KIF21A: variants seen among roughly 807,000 people sequenced by gnomAD.
KIF21A encodes kinesin family member 21A, also known as kinesin-like protein KIF21A.
A neutral mutation model predicts 202.9 loss-of-function variants in KIF21A; 114 were observed. The ratio of observed to expected loss-of-function variants is 0.56; its 90% CI spans 0.48 to 0.66. The LOEUF (loss-of-function observed/expected upper bound fraction) is 0.66, where lower values mean the gene tolerates loss of function less well. KIF21A is among the 30% of genes least tolerant of loss of function. The pLI, the probability that KIF21A is intolerant of heterozygous loss-of-function variation, is 0.00. For missense variants in KIF21A, 1,677 were observed against 1,994.9 expected, an observed-to-expected ratio of 0.84 and a Z score of 3.04; for synonymous variants, 667 against 670.8, an observed-to-expected ratio of 0.99 and a Z score of 0.09.
intron 31 of KIF21A, among the ~76,000 whole-genome samples, chr12:39,313,786 G>A (rs190102831): frequency 1.9e-4 from 29 of 151,924 alleles, no homozygotes; most frequent in African/African-American, 6.0e-4. Flanking sequence ...GAAAGACAGC[G>A]ATAGACTTAC....
intron 14 of KIF21A, 35 bp from the exon 15 acceptor site, chr12:39,341,129 C>T: frequency 2.7e-6 from 4 of 1,462,658 alleles, no homozygotes; most frequent in Non-Finnish European, 3.8e-6. Context: ...AATCCTGGTG[C>T]TAGGCCAAAA....
intron 6 of KIF21A, among the ~76,000 whole-genome samples, chr12:39,363,779 A>T (rs1043420101): frequency 6.6e-6 from 1 of 152,236 alleles, no homozygotes; most frequent in Non-Finnish European, 1.5e-5. Flanking sequence ...GCACTTTGGG[A>T]GGCCAAGGTG....
chr12:39,344,401 C>G (rs1341698798), intron 12 of KIF21A, among the ~76,000 whole-genome samples: 2 of 152,166 alleles, frequency 1.3e-5, no homozygotes, highest in African/African-American at 4.8e-5. Context: ...AGCAGGCTTT[C>G]CAGTTCCCTC....
intron 1 of KIF21A, among the ~76,000 whole-genome samples, chr12:39,374,472 A>G (rs1350573466): frequency 1.3e-5 from 2 of 152,174 alleles, no homozygotes; most frequent in Non-Finnish European, 2.9e-5. Flanking sequence ...AGATTTTTAA[A>G]AATGTATTAT....
At chr12:39,376,014 A>G (rs1413857546) in intron 1 of KIF21A, among the ~76,000 whole-genome samples, 1 of 152,036 alleles carries the variant, frequency 6.6e-6, no homozygotes, top group Non-Finnish European at 1.5e-5. Context: ...AGGCACCCTA[A>G]CATCTCAGCT....
intron 11 of KIF21A, among the ~76,000 whole-genome samples, chr12:39,350,108 CT>C (rs1948241824): frequency 6.6e-6 from 1 of 151,796 alleles, no homozygotes; most frequent in Non-Finnish European, 1.5e-5. Context: ...AATTATGTGT[CT>C]TTTTGTTAGG....
chr12:39,339,259 AT>A (rs983875996), intron 16 of KIF21A, among the ~76,000 whole-genome samples: 1 of 150,626 alleles, frequency 6.6e-6, no homozygotes, highest in African/African-American at 2.4e-5. Flanking sequence ...AAAGTGTACC[AT>A]TTTTTTATCT....
At position 39,325,516 on chromosome 12, in the gene KIF21A, TG is replaced by T. The variant is rs1370286613; in HGVS notation, c.3456+322del. 3.4e-3 allele frequency among the ~76,000 whole-genome samples: 508 copies of T among 147,338 alleles called. 5 individuals carry two copies. The highest frequency in any genetic ancestry group is 0.012 in the African/African-American group (476 of 39,604). ...CCAGCTAATTTTTTTTTTTTTTTTTTGTATTTTTAGTAGACACGGGTTTTCG... is the reference window on the plus strand; with the variant it reads ...CCAGCTAATTTTTTTTTTTTTTTTTTTATTTTTAGTAGACACGGGTTTTCG... On this transcript the variant is annotated intron_variant, in intron 26 of 37. Transcript: ENST00000361418.
At chr12:39,366,226 T>C (rs756774835) in intron 6 of KIF21A, 124 bp downstream of exon 6, 3 of 818,022 alleles carry the variant, frequency 3.7e-6, no homozygotes, top group Non-Finnish European at 6.1e-6. Context: ...CTAATAACTG[T>C]TCTATAATTT....
chr12:39,380,870 AT>A (rs1306753853), intron 1 of KIF21A, among the ~76,000 whole-genome samples: 1 of 152,016 alleles, frequency 6.6e-6, no homozygotes. Context: ...AGCATCTTCT[AT>A]TTTTTTCTTA....
intron 36 of KIF21A, 57 bp downstream of exon 36, chr12:39,302,908 A>G (rs1395770052): frequency 1.4e-6 from 2 of 1,403,726 alleles, no homozygotes; most frequent in Non-Finnish European, 2.0e-6. Flanking sequence ...GTTCTTCTAC[A>G]GGCTACAGGA....
chr12:39,389,976 CACACTAT>C (rs1386535063), intron 1 of KIF21A, among the ~76,000 whole-genome samples: 6 of 152,218 alleles, frequency 3.9e-5, no homozygotes, highest in African/African-American at 1.4e-4. Flanking sequence ...CACTACCCCA[CACACTAT>C]ACACTTTCCC....
In KIF21A at chr12:39,366,515, G is replaced by A; in HGVS notation, c.738C>T (p.Asp246=). The A allele has an allele frequency of 6.3e-7, 1 of 1,595,360 alleles. No individual in the cohort carries two copies. The highest frequency in any genetic ancestry group is 8.6e-7 in the Non-Finnish European group (1 of 1,163,832). ...QTRVCPQIDA[D]NATDNKIISE... ...AAATAATTTTATTATCAGTTGCATT[G>A]TCCTGAAATTAAGAAAAATAATTGA... is the stretch of plus-strand genomic sequence containing the variant. The change falls in exon 6 of 38, where the codon GAC becomes GAT. Residue 246 remains aspartate, a splice_region_variant and synonymous_variant. Coordinates refer to ENST00000361418, the MANE Select transcript of KIF21A (RefSeq NM_001173464.2).
intron 26 of KIF21A, among the ~76,000 whole-genome samples, chr12:39,324,247 C>A (rs1012401418): frequency 6.6e-6 from 1 of 152,118 alleles, no homozygotes; most frequent in Non-Finnish European, 1.5e-5. Context: ...TCTCCACAGC[C>A]AAGAACCTAG....
Position 39,340,801 on chromosome 12 carries a change from A to G in KIF21A, c.2110+105T>C, listed in dbSNP as rs189188751. On this transcript the variant is annotated intron_variant, in intron 15 of 37. Coordinates refer to ENST00000361418, the MANE Select transcript of KIF21A (RefSeq NM_001173464.2). ...AAAAACAAAACAAATAAATAACAAA[A>G]AAGGGTTTAATACGGCTTCTATTTT... The G allele has an allele frequency of 4.0e-5, 32 of 794,874 alleles. 1 individual carries two copies. In the Admixed American group the frequency reaches 6.1e-4, roughly 15 times the overall value. 49.2% of individuals were successfully genotyped at this position (794,874 alleles called of 1,614,324 possible). A position where few individuals can be genotyped will look rare whatever the true frequency, so the allele number is the denominator to read the frequency against.
At chr12:39,394,185 C>A (rs1484525979) in intron 1 of KIF21A, among the ~76,000 whole-genome samples, 1 of 152,174 alleles carries the variant, frequency 6.6e-6, no homozygotes, top group Admixed American at 6.5e-5. Context: ...TAAGCCAATT[C>A]TTCTGAAAGT....
At chr12:39,295,692 GTTTTTTTTT>G (rs1054983568) in intron 37 of KIF21A, among the ~76,000 whole-genome samples, 8 of 78,086 alleles carry the variant, frequency 1.0e-4, no homozygotes, top group Non-Finnish European at 1.7e-4. Flanking sequence ...CTTGGGATAT[GTTTTTTTTT>G]TTTTTTTTTT....
In KIF21A at chr12:39,436,448, A is replaced by ATATATATATATTTTTTTT. The variant is rs1387332677; in HGVS notation, c.44+6478_44+6479insAAAAAAAATATATATATA. On this transcript the variant is annotated intron_variant, in intron 1 of 37. Transcript: ENST00000361418. The stretch of plus-strand genomic sequence containing the variant: ...TATATATATATATATATATATATAT[A>ATATATATATATTTTTTTT]TTTTTTTTTTTTTTAGACAGGGTTT... 1.7e-4 allele frequency among the ~76,000 whole-genome samples: 16 copies of ATATATATATATTTTTTTT among 95,760 alleles called. No homozygotes were observed. In the East Asian group the frequency reaches 4.8e-3, roughly 29 times the overall value. The allele number at this position is 95,760 out of a possible 152,430, so 62.8% of individuals were successfully genotyped here. A position where few individuals can be genotyped will look rare whatever the true frequency, so the allele number is the denominator to read the frequency against.
intron 35 of KIF21A, 34 bp downstream of exon 35, chr12:39,304,787 G>T: frequency 9.4e-7 from 1 of 1,066,448 alleles, no homozygotes; most frequent in Non-Finnish European, 1.5e-6. Flanking sequence ...TCATTTAATA[G>T]ACAAATATAA....
Sources: allele counts gnomAD v4.1 joint callset (sites outside exome capture counted in the v4.1 genomes callset), GRCh38; gene constraint gnomAD v4.1.1; transcripts MANE v1.5; gene names NCBI Gene and HGNC (gene_info 2026-07-23, HGNC 2026-07-21).